HNF4G: variants seen among roughly 807,000 people sequenced by gnomAD.
HNF4G encodes the protein hepatocyte nuclear factor 4 gamma.
A neutral mutation model predicts 50.9 loss-of-function variants in HNF4G; 21 were observed. The ratio of observed to expected loss-of-function variants is 0.41; its 90% CI spans 0.29 to 0.59. HNF4G has a LOEUF of 0.59. Among genes scored for constraint, HNF4G ranks in the 20% least tolerant of loss-of-function variants. HNF4G has a pLI of 0.26. For missense variants in HNF4G, 527 were observed against 559.4 expected (o/e 0.94, Z 0.58); for synonymous variants, 198 against 185.6 (o/e 1.07, Z -0.54).
At chr8:75,490,849 C>T (rs1344087265) in intron 2 of HNF4G, among the ~76,000 whole-genome samples, 2 of 152,186 alleles carry the variant, frequency 1.3e-5, no homozygotes, top group Non-Finnish European at 2.9e-5. Context: ...CATATACTCA[C>T]ATATAAAATA....
intron 2 of HNF4G, among the ~76,000 whole-genome samples, chr8:75,533,974 T>C (rs1356614711): frequency 3.9e-5 from 6 of 151,920 alleles, no homozygotes; most frequent in Non-Finnish European, 7.4e-5. Context: ...TACATTATAG[T>C]TCATTAAAAT....
rs1422745018 is a variant in HNF4G at position 75,565,866 on chromosome 8, C to T, written c.*1770C>T. ...TAGATTTAATAAAATTCCTTCACGA[C>T]CTGGTACCCTTGTGAAACTGTAAAA... On this transcript the variant is annotated 3_prime_UTR_variant, in exon 10 of 10. Coordinates refer to ENST00000396423, the MANE Select transcript of HNF4G (RefSeq NM_004133.5). 6.6e-6 allele frequency: 1 copy of T among 152,074 alleles called. No individual in the cohort carries two copies. Among genetic ancestry groups the T allele is most frequent in the African/African-American group, 2.4e-5 (1 of 41,400 alleles). The allele number at this position is 152,074 out of a possible 1,614,324, so 9.4% of individuals were successfully genotyped here.
chr8:75,467,770 A>AT (rs901213734), intron 1 of HNF4G, among the ~76,000 whole-genome samples: 15 of 151,602 alleles, frequency 9.9e-5, no homozygotes, highest in African/African-American at 1.5e-4. Context: ...AAAAGTAATT[A>AT]TTTTTTTTTA....
chr8:75,563,284 T>C (rs546219491), intron 9 of HNF4G, among the ~76,000 whole-genome samples: 27 of 152,160 alleles, frequency 1.8e-4, no homozygotes, highest in Non-Finnish European at 2.4e-4. Flanking sequence ...ACTACTATTC[T>C]AGACAATGAA....
intron 1 of HNF4G, among the ~76,000 whole-genome samples, chr8:75,424,512 G>A (rs1479573937): frequency 6.6e-6 from 1 of 152,120 alleles, no homozygotes; most frequent in Non-Finnish European, 1.5e-5. Flanking sequence ...TACCCAACAG[G>A]AAGTTTTTCA....
intron 2 of HNF4G, among the ~76,000 whole-genome samples, chr8:75,504,445 A>G (rs1813019390): frequency 6.6e-6 from 1 of 152,196 alleles, no homozygotes; most frequent in African/African-American, 2.4e-5. Flanking sequence ...GTCAAAAGTT[A>G]CAAGCATTTT....
intron 1 of HNF4G, among the ~76,000 whole-genome samples, chr8:75,410,276 T>C (rs1349186236): frequency 6.6e-6 from 1 of 152,202 alleles, no homozygotes; most frequent in Non-Finnish European, 1.5e-5. Flanking sequence ...AGAGCCTTTC[T>C]AAACACCCAC....
intron 1 of HNF4G, among the ~76,000 whole-genome samples, chr8:75,410,398 A>G (rs184609712): frequency 2.0e-5 from 3 of 152,312 alleles, no homozygotes; most frequent in Admixed American, 2.0e-4. Context: ...TATATAAACC[A>G]GTCCCAGAAC....
chr8:75,549,146 C>T, intron 3 of HNF4G, among the ~76,000 whole-genome samples: 1 of 152,090 alleles, frequency 6.6e-6, no homozygotes, highest in East Asian at 1.9e-4. Flanking sequence ...TAAATTTTAT[C>T]TTTTGTTCAT....
chr8:75,435,536 C>A lies in HNF4G; in HGVS notation c.-144+27374C>A, dbSNP rs572170975. On this transcript the variant is annotated intron_variant, in intron 1 of 10. Transcript: ENST00000354370. The stretch of plus-strand genomic sequence containing the variant: ...TTCAACATTGTACTACAGACTGGAC[C>A]CAGGGCAATGGCAAGAGAAAAAGCA... Among the ~76,000 whole-genome samples the A allele has an allele frequency of 5.3e-5, 8 of 152,158 alleles. No homozygotes were observed. In the South Asian group the frequency reaches 1.7e-3, roughly 32 times the overall value.
intron 1 of HNF4G, among the ~76,000 whole-genome samples, chr8:75,441,727 T>A (rs1364643056): frequency 1.3e-5 from 2 of 152,330 alleles, no homozygotes; most frequent in African/African-American, 4.8e-5. Context: ...CAGATTACAG[T>A]TAAAGTTTCT....
At chr8:75,468,502 T>G (rs1288615842) in intron 1 of HNF4G, among the ~76,000 whole-genome samples, 1 of 152,142 alleles carries the variant, frequency 6.6e-6, no homozygotes, top group Non-Finnish European at 1.5e-5. Flanking sequence ...GAGACCAGCC[T>G]GACCAACATG....
intron 1 of HNF4G, among the ~76,000 whole-genome samples, chr8:75,448,175 T>A (rs1585851964): frequency 7.5e-6 from 1 of 133,952 alleles, no homozygotes; most frequent in Middle Eastern, 3.8e-3. Context: ...CAGTAAACTA[T>A]CGCAAGAACA....
intron 1 of HNF4G, among the ~76,000 whole-genome samples, chr8:75,413,431 T>G (rs1255200090): frequency 6.6e-6 from 1 of 150,974 alleles, no homozygotes; most frequent in Non-Finnish European, 1.5e-5. Flanking sequence ...TTCAAAGGTA[T>G]TTAAACTGAA....
rs187941394 is a variant in HNF4G at position 75,451,515 on chromosome 8, T to C, written c.-143-38574T>C. Among the ~76,000 whole-genome samples the C allele has an allele frequency of 1.2e-3, 186 of 152,352 alleles. 1 individual carries two copies. Among genetic ancestry groups the C allele is most frequent in the African/African-American group, 4.4e-3 (181 of 41,580 alleles). On this transcript the variant is annotated intron_variant, in intron 1 of 10. Transcript: ENST00000354370. ...CTTTAATCCATGTTGAGTTGATTTT[T>C]GTAAATGGTATGAGATGAAGGTTAA... is the stretch of plus-strand genomic sequence containing the variant.
intron 1 of HNF4G, among the ~76,000 whole-genome samples, chr8:75,432,246 T>TA (rs940127370): frequency 3.8e-4 from 57 of 150,058 alleles, no homozygotes; most frequent in Admixed American, 9.3e-4. Context: ...GGCCCTGTAT[T>TA]AAAAAAAATA....
chr8:75,452,546 C>T (rs914424143), intron 1 of HNF4G, among the ~76,000 whole-genome samples: 35 of 152,112 alleles, frequency 2.3e-4, no homozygotes, highest in African/African-American at 8.2e-4. Context: ...GGCGAAACCC[C>T]GTCTCTACTA....
rs748221253 is a variant in HNF4G, at chr8:75,480,717, C to CTTTTTT, written c.-143-9369_-143-9368insTTTTTT. The stretch of plus-strand genomic sequence containing the variant: ...CTGGATCTCATTTCTTTTTCTTTTT[C>CTTTTTT]TTTCTTTTTTTTTTTTTTTGAGACA... On this transcript the variant is annotated intron_variant, in intron 1 of 10. Coordinates refer to the HNF4G transcript ENST00000354370. Among the ~76,000 whole-genome samples, 32 of 123,936 alleles carry CTTTTTT rather than the reference C, an allele frequency of 2.6e-4. 5 individuals carry two copies. Among genetic ancestry groups the CTTTTTT allele is most frequent in the Middle Eastern group, 7.8e-3 (2 of 256 alleles). 81.3% of individuals were successfully genotyped at this position (123,936 alleles called of 152,430 possible).
At chr8:75,528,065 C>T (rs1806228790) in intron 2 of HNF4G, among the ~76,000 whole-genome samples, 1 of 152,124 alleles carries the variant, frequency 6.6e-6, no homozygotes, top group African/African-American at 2.4e-5. Context: ...CATAATTGTG[C>T]ATTTTGCAAT....
Sources: gnomAD v4.1 joint callset for allele counts (sites outside exome capture counted in the v4.1 genomes callset) on GRCh38, gnomAD v4.1.1 for gene constraint, MANE v1.5 for transcripts, NCBI Gene and HGNC (gene_info 2026-07-23, HGNC 2026-07-21) for gene names.